The following NRCAM variants were observed in gnomAD, a reference collection of about 807,000 sequenced individuals.
The protein encoded by NRCAM is NgCAM-related cell adhesion molecule.
Under a neutral mutation model 156.5 loss-of-function variants are expected in NRCAM, and 83 were observed. The observed-to-expected ratio is 0.53, with a 90% CI of 0.44 to 0.64. NRCAM has a LOEUF of 0.64. NRCAM is among the 30% of genes least tolerant of loss of function. NRCAM has a pLI of 0.00. For synonymous variants in NRCAM, 538 were observed against 563.9 expected (o/e 0.95, Z 0.65); for missense variants, 1,417 against 1,597.3 (o/e 0.89, Z 1.92).
intron 5 of NRCAM, among the ~76,000 whole-genome samples, chr7:108,236,704 T>C (rs2095052685): frequency 6.6e-6 from 1 of 152,200 alleles, no homozygotes; most frequent in South Asian, 2.1e-4. Flanking sequence ...AAAATTATTA[T>C]CATAATCATT....
chr7:108,330,614 A>G (rs541871179), intron 2 of NRCAM, among the ~76,000 whole-genome samples: 1 of 152,160 alleles, frequency 6.6e-6, no homozygotes. Flanking sequence ...TCTATCAATG[A>G]ATCTGTCATT....
intron 3 of NRCAM, among the ~76,000 whole-genome samples, chr7:108,282,151 T>C (rs913654777): frequency 2.0e-5 from 3 of 152,204 alleles, no homozygotes; most frequent in Non-Finnish European, 2.9e-5. Flanking sequence ...AAGTACAGTA[T>C]AAAGAACAAA....
intron 3 of NRCAM, among the ~76,000 whole-genome samples, chr7:108,258,027 G>C (rs1456303290): frequency 6.6e-6 from 1 of 152,152 alleles, no homozygotes; most frequent in East Asian, 1.9e-4. Context: ...GCCACCAAAA[G>C]TAGAGATTTA....
Position 108,284,772 on chromosome 7 carries a change from A to G in NRCAM, c.-107+27893T>C, listed in dbSNP as rs529252562. Among the ~76,000 whole-genome samples the G allele has an allele frequency of 7.2e-5, 11 of 152,074 alleles. 1 individual carries two copies. The South Asian group carries it at 2.3e-3, about 32-fold the overall frequency. On this transcript the variant is annotated intron_variant, in intron 3 of 32. Transcript: ENST00000379028. The stretch of plus-strand genomic sequence containing the variant: ...TCACTCGCATAGACATACATTAGAA[A>G]CCCACCCTACTTCACTACACTTGTT...
At chr7:108,309,717 C>T (rs1020742859) in intron 3 of NRCAM, among the ~76,000 whole-genome samples, 2 of 152,012 alleles carry the variant, frequency 1.3e-5, no homozygotes, top group African/African-American at 4.8e-5. Flanking sequence ...AGTAGCCAGG[C>T]ATGTTGGTAT....
At chr7:108,282,164 ATAT>A (rs2097884634) in intron 3 of NRCAM, among the ~76,000 whole-genome samples, 2 of 152,348 alleles carry the variant, frequency 1.3e-5, no homozygotes, top group South Asian at 4.1e-4. Flanking sequence ...AGAACAAAAG[ATAT>A]TATTATACCA....
rs780316566 is a variant in NRCAM at position 108,234,654 on chromosome 7, T to C, written c.159A>G (p.Pro53=). Residue 53 remains proline, a synonymous_variant, in exon 6 of 33, where the codon CCA becomes CCG. Transcript: ENST00000379028. The part of the protein sequence containing the change: ...VQPPTITQQS[P]KDYIIDPREN... ...CCCGAGGGTCAATAATGTAATCTTT[T>C]GGAGACTGTTGGGTGATGGTTGGAG... The C allele has an allele frequency of 1.9e-6, 3 of 1,612,880 alleles. No homozygotes were observed. In the African/African-American group the frequency reaches 4.0e-5, roughly 22 times the overall value.
In NRCAM at chr7:108,180,287, T is replaced by C; in HGVS notation, c.2787A>G (p.Arg929=). ...EPFSHYTLNV[R]VVNGKGEGPA... ...GGCCCTCCCCTTTCCCATTGACCAC[T>C]CGGACATTCAGTGTGTAGTGGCTAA... Residue 929 remains arginine, a synonymous_variant, in exon 25 of 33, where the codon CGA becomes CGG. Coordinates refer to ENST00000379028, the MANE Select transcript of NRCAM (RefSeq NM_001037132.4). 2 of 1,614,202 alleles carry C rather than the reference T, an allele frequency of 1.2e-6. No homozygotes were observed. The highest frequency in any genetic ancestry group is 1.7e-6 in the Non-Finnish European group (2 of 1,180,030).
chr7:108,420,585 C>T (rs1395387146), intron 1 of NRCAM, among the ~76,000 whole-genome samples: 1 of 152,174 alleles, frequency 6.6e-6, no homozygotes, highest in African/African-American at 2.4e-5. Context: ...CAAAACATTT[C>T]CTGTCTCCGT....
intron 4 of NRCAM, among the ~76,000 whole-genome samples, chr7:108,238,423 G>T (rs2095283025): frequency 6.6e-6 from 1 of 152,140 alleles, no homozygotes; most frequent in East Asian, 1.9e-4. Context: ...ATAGGGGCAG[G>T]GAAGAAATTA....
At chr7:108,324,172 G>A (rs1277119381) in intron 2 of NRCAM, among the ~76,000 whole-genome samples, 1 of 152,108 alleles carries the variant, frequency 6.6e-6, no homozygotes, top group Non-Finnish European at 1.5e-5. Flanking sequence ...GGAATAGGCT[G>A]TATTGAGAAT....
intron 2 of NRCAM, among the ~76,000 whole-genome samples, chr7:108,351,737 G>A (rs1044925468): frequency 3.3e-5 from 5 of 149,450 alleles, no homozygotes; most frequent in Non-Finnish European, 7.4e-5. Context: ...TGTAACTCAT[G>A]ATTGTAGAGC....
intron 24 of NRCAM, 73 bp downstream of exon 24, chr7:108,181,749 G>A: frequency 2.1e-6 from 2 of 952,200 alleles, no homozygotes; most frequent in Non-Finnish European, 3.3e-6. Context: ...CCCACCTCCT[G>A]TGGTATGCAT....
At position 108,181,844 on chromosome 7, in the gene NRCAM, C is replaced by A; in HGVS notation, c.2624G>T (p.Arg875Leu). ...TGCCCGATAGCCTTGTAGGTGTCCT[C>A]GGATGCTTTTCAGAGGTACTGGGTC... Reference protein sequence around the residue: ...HWDPVPLKSIRGHLQGYRIYY... With the variant: ...HWDPVPLKSILGHLQGYRIYY... Residue 875 changes from arginine to leucine, a missense_variant, in exon 24 of 33, where the codon CGA becomes CTA. Around this residue, in one of 2 missense-constraint regions of NRCAM, gnomAD observed 1,238 missense variants for 1,336.4 expected, o/e 0.93. Transcript: ENST00000379028. 1 of 1,613,970 alleles carries A rather than the reference C, an allele frequency of 6.2e-7. No homozygotes were observed. Among genetic ancestry groups the A allele is most frequent in the South Asian group, 1.1e-5 (1 of 91,052 alleles).
intron 11 of NRCAM, among the ~76,000 whole-genome samples, chr7:108,218,054 A>G (rs1563505385): frequency 6.6e-6 from 1 of 151,582 alleles, no homozygotes; most frequent in South Asian, 2.1e-4. Context: ...TGGTGTAGGC[A>G]CCCCAGGGAA....
chr7:108,186,735 A>G (rs766190856), intron 20 of NRCAM, among the ~76,000 whole-genome samples: 1 of 152,202 alleles, frequency 6.6e-6, no homozygotes, highest in Non-Finnish European at 1.5e-5. Flanking sequence ...AATGTAAGCA[A>G]TTTAATTTTA....
At chr7:108,267,163 C>T (rs113100518) in intron 3 of NRCAM, among the ~76,000 whole-genome samples, 3,895 of 152,300 alleles carry the variant, frequency 0.026, 96 homozygotes, top group Non-Finnish European at 0.042. Flanking sequence ...AAGCGGTAAG[C>T]ATCCCTCCAT....
Position 108,163,799 on chromosome 7 carries a change from G to C in NRCAM, c.3466+3122C>G, listed in dbSNP as rs1465414322. The stretch of plus-strand genomic sequence containing the variant: ...GGTGGCGGTAATGAGAGGTCATACC[G>C]GGTGGGGTGGCGGTAATGAGAGGTC... On this transcript the variant is annotated intron_variant, in intron 30 of 32. Coordinates refer to ENST00000379028, the MANE Select transcript of NRCAM (RefSeq NM_001037132.4). Among the ~76,000 whole-genome samples, 6 of 135,752 alleles carry C rather than the reference G, an allele frequency of 4.4e-5. 1 individual carries two copies. The highest frequency in any genetic ancestry group is 6.3e-5 in the Non-Finnish European group (4 of 63,402). The allele number at this position is 135,752 out of a possible 152,430, so 89.1% of individuals were successfully genotyped here.
intron 3 of NRCAM, among the ~76,000 whole-genome samples, chr7:108,288,579 A>C (rs1485405219): frequency 2.0e-5 from 3 of 152,148 alleles, no homozygotes; most frequent in African/African-American, 7.2e-5. Flanking sequence ...ACGTTATTGC[A>C]TACCCCTATC....
Sources: allele counts gnomAD v4.1 joint callset (sites outside exome capture counted in the v4.1 genomes callset), GRCh38; gene constraint gnomAD v4.1.1; regional missense constraint gnomAD v4.1.1; transcripts MANE v1.5; gene names NCBI Gene and HGNC (gene_info 2026-07-23, HGNC 2026-07-21).